TFDP2: variants seen among roughly 807,000 people sequenced by gnomAD.
TFDP2 encodes transcription factor Dp-2 (E2F dimerization partner 2).
In TFDP2, 17 loss-of-function variants were observed where a neutral mutation model predicts 59.3. That is an observed-to-expected ratio of 0.29 (90% confidence interval 0.20 to 0.43). The LOEUF (loss-of-function observed/expected upper bound fraction) is 0.43. Among genes scored for constraint, TFDP2 ranks in the 20% least tolerant of loss-of-function variants. The probability of loss-of-function intolerance (pLI) is 1.00; values close to 1 mark genes in which losing one functional copy is unlikely to be tolerated. For synonymous variants in TFDP2, 180 were observed against 194.7 expected (o/e 0.92, Z 0.63); for missense variants, 391 against 528.8 (o/e 0.74, Z 2.56).
intron 3 of TFDP2, among the ~76,000 whole-genome samples, chr3:142,061,115 C>T (rs990251388): frequency 2.6e-5 from 4 of 152,168 alleles, no homozygotes; most frequent in Admixed American, 6.5e-5. Context: ...TTTTAAGTTT[C>T]ATACATAACC....
chr3:142,017,555 T>G (rs796276558), intron 3 of TFDP2, among the ~76,000 whole-genome samples: 1 of 141,400 alleles, frequency 7.1e-6, no homozygotes, highest in African/African-American at 2.8e-5. Flanking sequence ...ATTCTTTTTT[T>G]TTTTTTTTTT....
chr3:141,963,716 G>A (rs1937578961), intron 10 of TFDP2, 96 bp downstream of exon 10: 3 of 1,416,880 alleles, frequency 2.1e-6, no homozygotes, highest in Non-Finnish European at 2.9e-6. Context: ...CCTTTGAGGG[G>A]TGCAACTAAT....
rs1307920293 is a variant in TFDP2, at chr3:142,093,088, T to C, written c.55A>G (p.Ile19Val). 1.9e-6 allele frequency: 3 copies of C among 1,540,986 alleles called. No individual in the cohort carries two copies. Among genetic ancestry groups the C allele is most frequent in the Admixed American group, 1.9e-5 (1 of 51,588 alleles). ...TSTNAEVRGF[I>V]DQNLSPTKGN... ...TTTGTTGGACTGAGATTCTGATCTA[T>C]AAATCCTCTTACTTCTGCATTTGTG... Residue 19 changes from isoleucine to valine, a missense_variant, in exon 3 of 13, where the codon ATA becomes GTA. Physicochemically the swap from Ile to Val is conservative, Grantham distance 29 (BLOSUM62 3). Coordinates refer to ENST00000489671, the MANE Select transcript of TFDP2 (RefSeq NM_001178139.2).
chr3:142,055,239 A>G (rs1245946140), intron 3 of TFDP2, among the ~76,000 whole-genome samples: 1 of 152,236 alleles, frequency 6.6e-6, no homozygotes, highest in Non-Finnish European at 1.5e-5. Context: ...TGTTGTGGCC[A>G]TAGTAATCCA....
chr3:142,079,012 A>C (rs1705628), intron 3 of TFDP2, among the ~76,000 whole-genome samples: 134,914 of 151,606 alleles, frequency 0.89, 60,281 homozygotes, highest in African/African-American at 0.97. Context: ...AACTGACACG[A>C]TGAAAAATGT....
At chr3:141,968,822 AAC>A (rs1269402225) in intron 9 of TFDP2, among the ~76,000 whole-genome samples, 1 of 79,648 alleles carries the variant, frequency 1.3e-5, no homozygotes, top group Non-Finnish European at 2.2e-5. Flanking sequence ...AGATATATAT[AAC>A]ACATATATAT....
intron 1 of TFDP2, among the ~76,000 whole-genome samples, chr3:142,108,647 T>A (rs944193877): frequency 6.6e-6 from 1 of 152,226 alleles, no homozygotes; most frequent in African/African-American, 2.4e-5. Flanking sequence ...GTGATTTATT[T>A]GACTAGCCTC....
intron 1 of TFDP2, among the ~76,000 whole-genome samples, chr3:142,137,560 C>T (rs1459436999): frequency 6.6e-6 from 1 of 152,032 alleles, no homozygotes; most frequent in East Asian, 1.9e-4. Context: ...TCCATCAATA[C>T]CTAGTTTATT....
rs193298368 is a variant in TFDP2 at position 142,050,895 on chromosome 3, A to G, written c.82+42166T>C. On this transcript the variant is annotated intron_variant, in intron 3 of 12. Transcript: ENST00000489671. ...GAGATTAAAAATTGTTAATATGTCAATTCTTCCCAAATTTATCTATAGATC... is the reference window on the plus strand; with the variant it reads ...GAGATTAAAAATTGTTAATATGTCAGTTCTTCCCAAATTTATCTATAGATC... Among the ~76,000 whole-genome samples, 183 of 152,230 alleles carry G rather than the reference A, an allele frequency of 1.2e-3. 2 individuals carry two copies. The highest frequency in any genetic ancestry group is 4.2e-3 in the African/African-American group (175 of 41,548).
intron 3 of TFDP2, among the ~76,000 whole-genome samples, chr3:142,041,155 T>G (rs1032188082): frequency 3.3e-5 from 5 of 152,196 alleles, no homozygotes; most frequent in African/African-American, 9.7e-5. Context: ...ATGTCATAAG[T>G]GAGGGCTGAC....
rs1202937679 is a variant in TFDP2, at chr3:141,993,594, G to A, written c.309-9C>T. ...TAGCCCGTTTTCTATCACTAAAAAG[G>A]AAAAAAGATAGCATAAAAACAATAC... On this transcript the variant is annotated splice_polypyrimidine_tract_variant and intron_variant, in intron 5 of 12. Transcript: ENST00000489671. The A allele has an allele frequency of 5.9e-6, 9 of 1,514,834 alleles. No homozygotes were observed. The highest frequency in any genetic ancestry group is 1.4e-5 in the African/African-American group (1 of 71,858). 93.8% of individuals were successfully genotyped at this position (1,514,834 alleles called of 1,614,324 possible). A position where few individuals can be genotyped will look rare whatever the true frequency, so the allele number is the denominator to read the frequency against.
chr3:141,968,313 CT>C (rs1177051037), intron 9 of TFDP2, among the ~76,000 whole-genome samples: 2 of 111,966 alleles, frequency 1.8e-5, no homozygotes, highest in East Asian at 4.9e-4. Context: ...ATATATATAA[CT>C]ATATATAACA....
At chr3:142,011,964 C>G (rs931320743) in intron 3 of TFDP2, among the ~76,000 whole-genome samples, 1 of 151,494 alleles carries the variant, frequency 6.6e-6, no homozygotes, top group Non-Finnish European at 1.5e-5. Context: ...ATACAAAATT[C>G]TACATAAATG....
At chr3:142,079,636 A>T (rs2060570712) in intron 3 of TFDP2, among the ~76,000 whole-genome samples, 1 of 152,196 alleles carries the variant, frequency 6.6e-6, no homozygotes, top group Admixed American at 6.5e-5. Flanking sequence ...GAATCCAAAA[A>T]GCCCCAAGAG....
At chr3:141,955,305 A>G (rs1023149365) in intron 11 of TFDP2, among the ~76,000 whole-genome samples, 1 of 152,234 alleles carries the variant, frequency 6.6e-6, no homozygotes, top group African/African-American at 2.4e-5. Flanking sequence ...CTAACCAGAA[A>G]GTCTGTATCC....
intron 3 of TFDP2, among the ~76,000 whole-genome samples, chr3:142,013,248 T>G (rs1392899960): frequency 6.6e-6 from 1 of 152,180 alleles, no homozygotes; most frequent in Non-Finnish European, 1.5e-5. Context: ...ATGATTCTTA[T>G]AAGTAGTAAA....
intron 4 of TFDP2, among the ~76,000 whole-genome samples, chr3:141,998,816 C>T (rs1161322599): frequency 1.3e-5 from 2 of 151,968 alleles, no homozygotes; most frequent in South Asian, 2.1e-4. Context: ...AGCAATTGAA[C>T]ATTACTCTGA....
chr3:141,969,439 C>T (rs750377079), intron 9 of TFDP2, among the ~76,000 whole-genome samples: 10 of 150,570 alleles, frequency 6.6e-5, no homozygotes, highest in Non-Finnish European at 1.2e-4. Context: ...GGTGAAACCC[C>T]GTCTCTACTA....
At chr3:141,996,427 G>A (rs1215441071) in intron 4 of TFDP2, among the ~76,000 whole-genome samples, 3 of 152,182 alleles carry the variant, frequency 2.0e-5, no homozygotes, top group Admixed American at 6.5e-5. Flanking sequence ...AGTCCCAACT[G>A]AGAATGAAAA....
Sources: gnomAD v4.1 joint callset for allele counts (sites outside exome capture counted in the v4.1 genomes callset) on GRCh38, gnomAD v4.1.1 for gene constraint, MANE v1.5 for transcripts, NCBI Gene and HGNC (gene_info 2026-07-23, HGNC 2026-07-21) for gene names.